MIDN: variants seen among roughly 807,000 people sequenced by gnomAD.
MIDN encodes midnolin, also known as midbrain nucleolar protein.
MIDN carries 26 observed loss-of-function variants against 46.1 expected under a neutral mutation model. The observed-to-expected ratio is 0.56, with a 90% CI of 0.41 to 0.78. MIDN has a LOEUF of 0.78. Among genes scored for constraint, MIDN ranks in the 30% least tolerant of loss-of-function variants. The pLI, the probability that MIDN is intolerant of heterozygous loss-of-function variation, is 0.00. For missense variants in MIDN, 850 were observed against 771.8 expected, an observed-to-expected ratio of 1.10 and a Z score of -1.20; for synonymous variants, 432 against 343.3, an observed-to-expected ratio of 1.26 and a Z score of -2.86.
At chr19:1,249,091 C>G (rs1317994043) in intron 1 of MIDN, among the ~76,000 whole-genome samples, 1 of 151,534 alleles carries the variant, frequency 6.6e-6, no homozygotes, top group African/African-American at 2.4e-5. Context: ...CGCGCCCGAG[C>G]TGCTGACTCA....
Position 1,257,167 on chromosome 19 carries a change from C to T in MIDN, c.1431C>T (p.Gly477=), listed in dbSNP as rs750165612. Residue 477 remains glycine (G), a synonymous_variant, in exon 9 of 9, where the codon GGC becomes GGT. Transcript: ENST00000682408. The stretch of plus-strand genomic sequence containing the variant: ...GCAGCGACAGCAGTAGCAGCGGGGG[C>T]GGCGGCAGCCCCAGCGAGGCCTCCG... ...AGRSDSSSSG[G]GGSPSEASGL... is the part of the protein sequence containing the mutation. 189 of 1,611,460 alleles carry T rather than the reference C, an allele frequency of 1.2e-4. 2 individuals carry two copies. In the South Asian group the frequency reaches 1.2e-3, roughly 10 times the overall value.
At position 1,258,758 on chromosome 19, in the gene MIDN, A is replaced by T. The variant is rs948935555; in HGVS notation, c.*1486A>T. ...GGAGGGGTCCCAGAGGGTAGAGCTCAAGGATTTTGGGTTTTGTTTTGTTTT... is the reference window on the plus strand; with the variant it reads ...GGAGGGGTCCCAGAGGGTAGAGCTCTAGGATTTTGGGTTTTGTTTTGTTTT... On this transcript the variant is annotated 3_prime_UTR_variant, in exon 9 of 9. Coordinates refer to ENST00000682408, the MANE Select transcript of MIDN (RefSeq NM_001388306.1). 1 of 152,028 alleles carries T rather than the reference A, an allele frequency of 6.6e-6. No homozygotes were observed. The highest frequency in any genetic ancestry group is 2.4e-5 in the African/African-American group (1 of 41,324). The allele number at this position is 152,028 out of a possible 1,614,324, so 9.4% of individuals were successfully genotyped here.
chr19:1,256,244 G>A (rs1443340318), intron 8 of MIDN, among the ~76,000 whole-genome samples: 2 of 152,372 alleles, frequency 1.3e-5, no homozygotes, highest in East Asian at 3.9e-4. Context: ...AGCACTTTGG[G>A]AGGCCGACGC....
At chr19:1,255,958 T>C (rs2081194444) in intron 8 of MIDN, among the ~76,000 whole-genome samples, 1 of 152,228 alleles carries the variant, frequency 6.6e-6, no homozygotes, top group African/African-American at 2.4e-5. Flanking sequence ...CCAGATGGCA[T>C]TTGGTGCCTC....
chr19:1,254,684 A>G (rs1293047493), intron 6 of MIDN, among the ~76,000 whole-genome samples: 5 of 151,934 alleles, frequency 3.3e-5, no homozygotes, highest in Admixed American at 6.5e-5. Flanking sequence ...ATCGCCTGAC[A>G]TGACCTGGAC....
intron 1 of MIDN, among the ~76,000 whole-genome samples, chr19:1,249,034 C>T (rs1428822295): frequency 6.6e-6 from 1 of 151,964 alleles, no homozygotes; most frequent in Non-Finnish European, 1.5e-5. Context: ...CGCGGCGCCC[C>T]CTCCCCGGGA....
Position 1,254,884 on chromosome 19 carries a change from G to A in MIDN, c.826-18G>A. The A allele has an allele frequency of 6.3e-7, 1 of 1,591,676 alleles. No homozygotes were observed. The highest frequency in any genetic ancestry group is 2.2e-5 in the East Asian group (1 of 44,508). ...CTGATCCTGGACCCCGTGCTCATGT[G>A]CCCCTTCCTCCCATCAGCAGATGGA... On this transcript the variant is annotated intron_variant, in intron 6 of 8. Transcript: ENST00000682408.
intron 4 of MIDN, among the ~76,000 whole-genome samples, chr19:1,252,690 C>T (rs1166381567): frequency 6.6e-6 from 1 of 152,176 alleles, no homozygotes; most frequent in African/African-American, 2.4e-5. Context: ...GGCTGCCACC[C>T]GCCCCAGCAA....
Position 1,258,756 on chromosome 19 carries a change from T to C in MIDN, c.*1484T>C, listed in dbSNP as rs915586875. On this transcript the variant is annotated 3_prime_UTR_variant, in exon 9 of 9. Transcript: ENST00000682408. ...AGGGAGGGGTCCCAGAGGGTAGAGC[T>C]CAAGGATTTTGGGTTTTGTTTTGTT... 2.7e-4 allele frequency: 41 copies of C among 149,946 alleles called. No homozygotes were observed. Among genetic ancestry groups the C allele is most frequent in the African/African-American group, 1.0e-3 (41 of 40,506 alleles). 9.3% of individuals were successfully genotyped at this position (149,946 alleles called of 1,614,324 possible). A position where few individuals can be genotyped will look rare whatever the true frequency, so the allele number is the denominator to read the frequency against.
intron 6 of MIDN, 72 bp downstream of exon 6, chr19:1,254,550 G>A: frequency 6.8e-7 from 1 of 1,465,646 alleles, no homozygotes; most frequent in Non-Finnish European, 9.2e-7. Flanking sequence ...GAGGTCTTGG[G>A]GAGGACAAGG....
At chr19:1,256,929 T>C in intron 8 of MIDN, 66 bp from the exon 9 acceptor site, 2 of 1,592,404 alleles carry the variant, frequency 1.3e-6, no homozygotes, top group South Asian at 2.2e-5. Context: ...TGCTGGGGTC[T>C]GGGGTGGTCC....
In MIDN at chr19:1,258,102, C is replaced by G. The variant is rs556967037; in HGVS notation, c.*830C>G. The G allele has an allele frequency of 3.9e-5, 6 of 152,712 alleles. No homozygotes were observed. The highest frequency in any genetic ancestry group is 1.4e-4 in the African/African-American group (6 of 41,586). 9.5% of individuals were successfully genotyped at this position (152,712 alleles called of 1,614,324 possible). A position where few individuals can be genotyped will look rare whatever the true frequency, so the allele number is the denominator to read the frequency against. ...CTGTGCTGTTTCCTCCGCCCCCACT[C>G]CCGTGTTTTCTGACCTCCTGCCTGA... On this transcript the variant is annotated 3_prime_UTR_variant, in exon 9 of 9. Coordinates refer to ENST00000682408, the MANE Select transcript of MIDN (RefSeq NM_001388306.1).
intron 1 of MIDN, among the ~76,000 whole-genome samples, chr19:1,249,144 T>G (rs1373833839): frequency 6.7e-6 from 1 of 149,922 alleles, no homozygotes; most frequent in African/African-American, 2.4e-5. Context: ...GGACGCCGCG[T>G]CACGTCACGG....
chr19:1,251,483 C>A, intron 2 of MIDN, 79 bp from the exon 3 acceptor site: 1 of 1,310,004 alleles, frequency 7.6e-7, no homozygotes, highest in Non-Finnish European at 1.1e-6. Flanking sequence ...CACACAAGCA[C>A]AGCCCTCCCC....
Position 1,250,471 on chromosome 19 carries a change from C to A in MIDN, c.175C>A (p.Arg59=). 1 of 1,382,418 alleles carries A rather than the reference C, an allele frequency of 7.2e-7. No individual in the cohort carries two copies. The highest frequency in any genetic ancestry group is 9.6e-7 in the Non-Finnish European group (1 of 1,045,090). 85.6% of individuals were successfully genotyped at this position (1,382,418 alleles called of 1,614,324 possible). ...CGAGACGGTGGAGGGGCTGCGCAAG[C>A]GGTTGTCCCAGCGCCTCAAAGTGCC... The part of the protein sequence containing the change: ...PDETVEGLRK[R]LSQRLKVPKE... Residue 59 remains arginine, a synonymous_variant, in exon 2 of 9, where the codon CGG becomes AGG. Coordinates refer to ENST00000682408, the MANE Select transcript of MIDN (RefSeq NM_001388306.1).
rs558572410 is a variant in MIDN at position 1,255,377 on chromosome 19, G to A, written c.986-45G>A. On this transcript the variant is annotated intron_variant, in intron 7 of 8. Coordinates refer to ENST00000682408, the MANE Select transcript of MIDN (RefSeq NM_001388306.1). Reference sequence around the variant, plus strand: ...CCGTGGACGCCCGTCCTGGACATGCGGGACTGTGCCCGTGCCGGGCACTCA... The same window carrying A: ...CCGTGGACGCCCGTCCTGGACATGCAGGACTGTGCCCGTGCCGGGCACTCA... 2.0e-5 allele frequency: 31 copies of A among 1,534,054 alleles called. No homozygotes were observed. In the East Asian group the frequency reaches 6.8e-4, roughly 34 times the overall value.
rs2081211997 is a variant in MIDN, at chr19:1,257,315, G to C, written c.*43G>C. ...CCCTCGCCCCTCGCACCCCAGCCCA[G>C]GGCGGCGGGGACTCCGAGAGCCCCG... is the stretch of plus-strand genomic sequence containing the variant. On this transcript the variant is annotated 3_prime_UTR_variant, in exon 9 of 9. Coordinates refer to ENST00000682408, the MANE Select transcript of MIDN (RefSeq NM_001388306.1). The C allele has an allele frequency of 6.4e-7, 1 of 1,570,998 alleles. No homozygotes were observed. Among genetic ancestry groups the C allele is most frequent in the Non-Finnish European group, 8.7e-7 (1 of 1,147,732 alleles).
chr19:1,251,280 A>G, intron 2 of MIDN: 1 of 451,064 alleles, frequency 2.2e-6, no homozygotes, highest in Non-Finnish European at 3.9e-6. Flanking sequence ...ACTGGGGCCC[A>G]GAGGAGGAGA....
intron 3 of MIDN, 74 bp downstream of exon 3, chr19:1,251,723 C>A: frequency 6.6e-7 from 1 of 1,516,756 alleles, no homozygotes. Flanking sequence ...GGTACCTGTC[C>A]GCACACACAC....
Sources: gnomAD v4.1 joint callset for allele counts (sites outside exome capture counted in the v4.1 genomes callset) on GRCh38, gnomAD v4.1.1 for gene constraint, MANE v1.5 for transcripts, NCBI Gene and HGNC (gene_info 2026-07-23, HGNC 2026-07-21) for gene names.